Variants in AK7 observed in about 807,000 individuals in gnomAD.
AK7 encodes adenylate kinase 7, also known as ATP-AMP transphosphorylase 7.
In AK7, 78 loss-of-function variants were observed where a neutral mutation model predicts 96.6. The observed-to-expected ratio is 0.81, with a 90% CI of 0.67 to 0.97. The LOEUF is 0.97. Ranked by LOEUF, AK7 falls within the 50% of genes least tolerant of loss-of-function variation. AK7 has a pLI of 0.00. For synonymous variants in AK7, 302 were observed against 317.2 expected, an observed-to-expected ratio of 0.95 and a Z score of 0.51; for missense variants, 855 against 887.9, an observed-to-expected ratio of 0.96 and a Z score of 0.47.
At chr14:96,406,568 C>G (rs140713745) in intron 3 of AK7, among the ~76,000 whole-genome samples, 1 of 152,166 alleles carries the variant, frequency 6.6e-6, no homozygotes, top group Non-Finnish European at 1.5e-5. Context: ...CAATCTGTCA[C>G]CAGAGTCACC....
At chr14:96,445,144 G>A (rs886575026) in intron 7 of AK7, among the ~76,000 whole-genome samples, 5 of 152,102 alleles carry the variant, frequency 3.3e-5, no homozygotes, top group South Asian at 2.1e-4. Context: ...CAAACTACCC[G>A]CCTCTGCTCA....
At chr14:96,419,466 C>CA (rs1014272867) in intron 4 of AK7, among the ~76,000 whole-genome samples, 9 of 151,848 alleles carry the variant, frequency 5.9e-5, no homozygotes, top group Non-Finnish European at 1.0e-4. Flanking sequence ...TCTGTTTCTA[C>CA]AAAAAAATAA....
chr14:96,427,895 CAT>C (rs1892121638), intron 5 of AK7, among the ~76,000 whole-genome samples: 1 of 151,952 alleles, frequency 6.6e-6, no homozygotes, highest in East Asian at 1.9e-4. Flanking sequence ...AGATCATGCA[CAT>C]ATATATGAAG....
rs3832933 is a variant in AK7, at chr14:96,399,089, C to CAT, written c.294+829_294+830dup. Reference sequence around the variant, plus strand: ...GATTCTGAGCTCTTTTCTGAGCTCCCATATCATCCTTTGCCTGCCTAGATC... The same window carrying CAT: ...GATTCTGAGCTCTTTTCTGAGCTCCCATATATCATCCTTTGCCTGCCTAGATC... On this transcript the variant is annotated intron_variant, in intron 2 of 17. Coordinates refer to ENST00000267584, the MANE Select transcript of AK7 (RefSeq NM_152327.5). The surrounding 1 kb of genome is among the most constrained non-coding windows in gnomAD (Gnocchi z 4.1). 0.15 allele frequency: 22,903 copies of CAT among 152,080 alleles called. 2,388 individuals are homozygous for CAT. The highest frequency in any genetic ancestry group is 0.47 in the East Asian group (2,435 of 5,144). 9.4% of individuals were successfully genotyped at this position (152,080 alleles called of 1,614,324 possible).
chr14:96,411,915 T>C (rs1891052900), intron 4 of AK7, among the ~76,000 whole-genome samples: 1 of 152,228 alleles, frequency 6.6e-6, no homozygotes, highest in African/African-American at 2.4e-5. Flanking sequence ...TGGTCAGAGA[T>C]GCCACTGGGC....
At chr14:96,416,465 G>A (rs1891355086) in intron 4 of AK7, among the ~76,000 whole-genome samples, 1 of 152,078 alleles carries the variant, frequency 6.6e-6, no homozygotes, top group Admixed American at 6.6e-5. Flanking sequence ...ATAAAGGGCA[G>A]GGGAGATTAC....
At position 96,488,472 on chromosome 14, in the gene AK7, A is replaced by G; in HGVS notation, c.*129A>G. 1.4e-6 allele frequency: 1 copy of G among 703,968 alleles called. No individual in the cohort carries two copies. Among genetic ancestry groups the G allele is most frequent in the South Asian group, 2.2e-5 (1 of 45,186 alleles). 43.6% of individuals were successfully genotyped at this position (703,968 alleles called of 1,614,324 possible). Reference sequence around the variant, plus strand: ...TTTTTTTGTAGACAAATATTCTATAAACTAGAATCTCTATTAAAAGCTATA... The same window carrying G: ...TTTTTTTGTAGACAAATATTCTATAGACTAGAATCTCTATTAAAAGCTATA... On this transcript the variant is annotated 3_prime_UTR_variant, in exon 18 of 18. Transcript: ENST00000267584.
intron 5 of AK7, among the ~76,000 whole-genome samples, chr14:96,422,652 C>T (rs1034706503): frequency 8.5e-5 from 13 of 152,202 alleles, no homozygotes; most frequent in Non-Finnish European, 1.5e-4. Context: ...CAGGGGGAAG[C>T]ACATCACGCG....
intron 8 of AK7, among the ~76,000 whole-genome samples, chr14:96,447,588 C>T (rs1893318650): frequency 6.6e-6 from 1 of 152,074 alleles, no homozygotes; most frequent in Admixed American, 6.6e-5. Flanking sequence ...TCCCAAAGTG[C>T]TGGGATTACA....
chr14:96,421,752 C>A (rs1235399559), intron 5 of AK7, among the ~76,000 whole-genome samples: 1 of 152,016 alleles, frequency 6.6e-6, no homozygotes, highest in Non-Finnish European at 1.5e-5. Flanking sequence ...ACTACAGGCA[C>A]GTGCCACCAT....
At chr14:96,421,166 G>A (rs537217560) in intron 5 of AK7, among the ~76,000 whole-genome samples, 1 of 152,270 alleles carries the variant, frequency 6.6e-6, no homozygotes, top group Admixed American at 6.5e-5. Context: ...CTGAAAAGCT[G>A]TTTGGCCCAA....
intron 14 of AK7, among the ~76,000 whole-genome samples, chr14:96,475,601 G>A (rs567953153): frequency 6.6e-6 from 1 of 152,262 alleles, no homozygotes; most frequent in South Asian, 2.1e-4. Context: ...TCCCAAGCAA[G>A]TTGTTACTAT....
chr14:96,409,392 C>A (rs374111566), intron 4 of AK7, among the ~76,000 whole-genome samples: 1 of 151,978 alleles, frequency 6.6e-6, no homozygotes, highest in African/African-American at 2.4e-5. Context: ...GCCAACATGG[C>A]GAAACCCTGT....
intron 5 of AK7, chr14:96,423,761 C>T: frequency 1.4e-6 from 1 of 728,590 alleles, no homozygotes; most frequent in Non-Finnish European, 2.6e-6. Flanking sequence ...GTAACACGTG[C>T]CGGCCACCGG....
chr14:96,459,769 C>G (rs550687774), intron 12 of AK7, among the ~76,000 whole-genome samples: 6 of 151,458 alleles, frequency 4.0e-5, no homozygotes, highest in African/African-American at 1.2e-4. Flanking sequence ...CCTAGCTACT[C>G]GGAAGGCTGA....
At chr14:96,434,443 TCTCTCTCTCTC>T (rs1892531505) in intron 5 of AK7, among the ~76,000 whole-genome samples, 1 of 152,066 alleles carries the variant, frequency 6.6e-6, no homozygotes, top group African/African-American at 2.4e-5. Context: ...TCTCTCTCTC[TCTCTCTCTCTC>T]TCTGTTCTAA....
chr14:96,455,320 A>G (rs980634146), intron 10 of AK7, among the ~76,000 whole-genome samples: 1 of 152,086 alleles, frequency 6.6e-6, no homozygotes, highest in African/African-American at 2.4e-5. Context: ...TCTCATCTCT[A>G]CAGAAAGTAT....
intron 1 of AK7, among the ~76,000 whole-genome samples, chr14:96,393,543 A>G (rs1270843887): frequency 6.6e-6 from 1 of 152,168 alleles, no homozygotes; most frequent in Non-Finnish European, 1.5e-5. Flanking sequence ...GTAGTTGCCA[A>G]TAATTCTTGG....
intron 12 of AK7, among the ~76,000 whole-genome samples, chr14:96,465,462 TAA>T (rs34029201): frequency 2.8e-5 from 4 of 143,430 alleles, no homozygotes; most frequent in African/African-American, 2.5e-5. Flanking sequence ...AGACTCCGTT[TAA>T]AAAAAAAAAA....
Sources: allele counts gnomAD v4.1 joint callset (sites outside exome capture counted in the v4.1 genomes callset), GRCh38; gene constraint gnomAD v4.1.1; non-coding constraint Gnocchi (gnomAD v3.1); transcripts MANE v1.5; gene names NCBI Gene and HGNC (gene_info 2026-07-23, HGNC 2026-07-21).